Variants in SLC71A1 observed in about 807,000 individuals in gnomAD.
The protein encoded by SLC71A1 is solute carrier family 71 member 1.
the SLC71A1 span, among the ~76,000 whole-genome samples, chr1:100,041,593 A>G: frequency 6.6e-6 from 1 of 152,234 alleles, no homozygotes; most frequent in African/African-American, 2.4e-5. Flanking sequence ...GAAAGTAACC[A>G]TATTAGTGAA....
At chr1:100,056,637 G>C in the SLC71A1 span, among the ~76,000 whole-genome samples, 1 of 152,172 alleles carries the variant, frequency 6.6e-6, no homozygotes, top group Admixed American at 6.5e-5. Context: ...GAATAGTGCT[G>C]CAGTAAATGT....
chr1:100,050,610 G>C, the SLC71A1 span, among the ~76,000 whole-genome samples: 1 of 152,202 alleles, frequency 6.6e-6, no homozygotes, highest in Non-Finnish European at 1.5e-5. Context: ...TATGATAAAT[G>C]TACAGTTTAC....
chr1:100,079,229 G>T, the SLC71A1 span: 1 of 151,434 alleles, frequency 6.6e-6, no homozygotes, highest in Non-Finnish European at 1.5e-5. Flanking sequence ...GATTACTTGA[G>T]CTCAAGAGTT....
At chr1:100,065,187 G>A in the SLC71A1 span, among the ~76,000 whole-genome samples, 1 of 151,948 alleles carries the variant, frequency 6.6e-6, no homozygotes, top group South Asian at 2.1e-4. Context: ...AGTTTTTTTT[G>A]ATTGCTGTGT....
the SLC71A1 span, among the ~76,000 whole-genome samples, chr1:100,044,511 A>ATTTT: frequency 3.4e-4 from 35 of 103,132 alleles, no homozygotes; most frequent in African/African-American, 5.5e-4. Context: ...TACTCTGCTG[A>ATTTT]TTTTTTTTTT....
chr1:100,057,204 G>C, the SLC71A1 span, among the ~76,000 whole-genome samples: 4 of 152,122 alleles, frequency 2.6e-5, no homozygotes, highest in Admixed American at 2.6e-4. Context: ...GGCTTTGGCT[G>C]CCTGTGCTTG....
chr1:100,052,484 T>C, the SLC71A1 span, among the ~76,000 whole-genome samples: 1 of 143,746 alleles, frequency 7.0e-6, no homozygotes, highest in Admixed American at 7.5e-5. Context: ...CAGGCTGGAG[T>C]GCAGAGGCAC....
chr1:100,054,742 A>C, the SLC71A1 span, among the ~76,000 whole-genome samples: 2 of 152,188 alleles, frequency 1.3e-5, no homozygotes, highest in Non-Finnish European at 2.9e-5. Context: ...GATCCATAAA[A>C]TTTTTTGGAA....
chr1:100,076,631 C>A, the SLC71A1 span, among the ~76,000 whole-genome samples: 3 of 152,180 alleles, frequency 2.0e-5, no homozygotes, highest in African/African-American at 7.2e-5. Flanking sequence ...GATTATGATC[C>A]AGGCTGTTTT....
the SLC71A1 span, among the ~76,000 whole-genome samples, chr1:100,039,428 G>C: frequency 6.6e-6 from 1 of 152,114 alleles, no homozygotes; most frequent in South Asian, 2.1e-4. Context: ...TTCAGAACAC[G>C]GCCCAGTCAA....
the SLC71A1 span, among the ~76,000 whole-genome samples, chr1:100,057,824 C>G: frequency 6.6e-6 from 1 of 152,154 alleles, no homozygotes; most frequent in African/African-American, 2.4e-5. Context: ...GAAGACCTTC[C>G]CTACCTTCCT....
the SLC71A1 span, among the ~76,000 whole-genome samples, chr1:100,047,554 C>T: frequency 4.6e-5 from 7 of 152,218 alleles, no homozygotes; most frequent in Admixed American, 4.6e-4. Flanking sequence ...TCCTGAGTAG[C>T]TGGGATTACA....
chr1:100,054,681 C>T, the SLC71A1 span, among the ~76,000 whole-genome samples: 1 of 152,066 alleles, frequency 6.6e-6, no homozygotes, highest in Non-Finnish European at 1.5e-5. Flanking sequence ...AAGCGTTTAA[C>T]ATTTTAAGGA....
At chr1:100,076,341 CGTTA>C in the SLC71A1 span, among the ~76,000 whole-genome samples, 21 of 152,134 alleles carry the variant, frequency 1.4e-4, no homozygotes, top group Admixed American at 5.9e-4. Context: ...ATATTAAAAA[CGTTA>C]GTTAGAATAG....
At chr1:100,068,338 G>A in the SLC71A1 span, 2 of 924,286 alleles carry the variant, frequency 2.2e-6, no homozygotes, top group South Asian at 1.7e-5. Flanking sequence ...AATAGTTTGG[G>A]GAATATGAAA....
chr1:100,052,511 A>AT, the SLC71A1 span, among the ~76,000 whole-genome samples: 1 of 139,364 alleles, frequency 7.2e-6, no homozygotes, highest in African/African-American at 2.8e-5. Flanking sequence ...GGCTCACTGC[A>AT]TCCCCCACCT....
chr1:100,058,585 G>C, the SLC71A1 span: 1 of 752,948 alleles, frequency 1.3e-6, no homozygotes, highest in South Asian at 1.6e-5. Flanking sequence ...AGTATGAATG[G>C]ATGTTCAAAA....
chr1:100,078,358 C>T, the SLC71A1 span: 33 of 802,706 alleles, frequency 4.1e-5, no homozygotes, highest in Non-Finnish European at 4.5e-5. Context: ...TCTCTACAGC[C>T]ATTTCACAGT....
the SLC71A1 span, chr1:100,043,016 G>T: frequency 2.1e-5 from 18 of 841,830 alleles, no homozygotes; most frequent in East Asian, 1.8e-3. Flanking sequence ...CCATGGTTCA[G>T]TGTTTGGTTT....
Sources: gnomAD v4.1 joint callset for allele counts (sites outside exome capture counted in the v4.1 genomes callset) on GRCh38, gnomAD v4.1.1 for gene constraint, MANE v1.5 for transcripts, NCBI Gene and HGNC (gene_info 2026-07-23, HGNC 2026-07-21) for gene names.